The following VWA8 variants were observed in gnomAD, a reference collection of about 807,000 sequenced individuals.
VWA8 encodes the protein von Willebrand factor A domain containing 8.
Under a neutral mutation model 241.5 loss-of-function variants are expected in VWA8, and 221 were observed. The observed-to-expected ratio is 0.91, with a 90% CI of 0.82 to 1.02. The LOEUF is 1.02. Ranked by LOEUF, VWA8 falls within the 50% of genes least tolerant of loss-of-function variation. The pLI is 0.00. For synonymous variants in VWA8, 852 were observed against 827.1 expected (o/e 1.03, Z -0.52); for missense variants, 2,322 against 2,328.7 (o/e 1.00, Z 0.06).
chr13:41,749,208 A>G (rs1270725664), intron 21 of VWA8, among the ~76,000 whole-genome samples: 1 of 152,244 alleles, frequency 6.6e-6, no homozygotes, highest in Admixed American at 6.5e-5. Context: ...ATGAACAGAC[A>G]CTTCTCAAAA....
intron 13 of VWA8, among the ~76,000 whole-genome samples, chr13:41,832,717 G>C (rs1237257931): frequency 1.3e-5 from 2 of 152,028 alleles, no homozygotes; most frequent in Non-Finnish European, 2.9e-5. Context: ...AATGATACAA[G>C]ATGGGAATAT....
chr13:41,892,579 C>G (rs763970349), intron 4 of VWA8, among the ~76,000 whole-genome samples: 19 of 152,194 alleles, frequency 1.2e-4, no homozygotes, highest in Non-Finnish European at 2.4e-4. Context: ...CTTATTCAAT[C>G]ACATAGTTCC....
At chr13:41,732,473 G>A (rs1423140254) in intron 21 of VWA8, among the ~76,000 whole-genome samples, 4 of 150,454 alleles carry the variant, frequency 2.7e-5, no homozygotes, top group African/African-American at 7.3e-5. Context: ...GGGTGAAGAC[G>A]AGAAACTAAA....
chr13:41,610,432 GC>G (rs1460511348), intron 39 of VWA8, among the ~76,000 whole-genome samples: 4 of 152,186 alleles, frequency 2.6e-5, no homozygotes, highest in African/African-American at 9.7e-5. Flanking sequence ...CACCAGGGAA[GC>G]CAGCAGAAGG....
At chr13:41,960,423 CA>C (rs1878556256) in intron 1 of VWA8, among the ~76,000 whole-genome samples, 1 of 152,232 alleles carries the variant, frequency 6.6e-6, no homozygotes, top group Admixed American at 6.5e-5. Flanking sequence ...TAAGCCGCCA[CA>C]AGCCCTGGCT....
intron 37 of VWA8, among the ~76,000 whole-genome samples, chr13:41,631,334 C>T (rs553155860): frequency 1.8e-4 from 27 of 151,998 alleles, no homozygotes; most frequent in Non-Finnish European, 3.2e-4. Flanking sequence ...GAGCCATCTT[C>T]TAACAGGGGC....
intron 21 of VWA8, among the ~76,000 whole-genome samples, chr13:41,735,946 C>A (rs1224994664): frequency 6.6e-6 from 1 of 152,094 alleles, no homozygotes; most frequent in Non-Finnish European, 1.5e-5. Flanking sequence ...TAATTCTCCA[C>A]ACAAATAAAC....
At position 41,583,625 on chromosome 13, in the gene VWA8, C is replaced by T. The variant is rs371395362; in HGVS notation, c.5271+3887G>A. The stretch of plus-strand genomic sequence containing the variant: ...GCCACTGCACTCCAGCCTGGGTGAC[C>T]GAGCAAGACTCCATCTCAAAAAAAA... On this transcript the variant is annotated intron_variant, in intron 42 of 44. Coordinates refer to ENST00000379310, the MANE Select transcript of VWA8 (RefSeq NM_015058.2). 5.1e-5 allele frequency among the ~76,000 whole-genome samples: 7 copies of T among 137,738 alleles called. No homozygotes were observed. In the East Asian group the frequency reaches 6.2e-4, roughly 12 times the overall value. The allele number at this position is 137,738 out of a possible 152,430, so 90.4% of individuals were successfully genotyped here. A position where few individuals can be genotyped will look rare whatever the true frequency, so the allele number is the denominator to read the frequency against.
At chr13:41,911,600 G>GA (rs1245958340) in intron 3 of VWA8, among the ~76,000 whole-genome samples, 1 of 152,168 alleles carries the variant, frequency 6.6e-6, no homozygotes. Flanking sequence ...ACACAGAAGA[G>GA]ATACTCTACA....
chr13:41,717,842 A>T (rs2045357258), intron 26 of VWA8, among the ~76,000 whole-genome samples: 1 of 152,018 alleles, frequency 6.6e-6, no homozygotes, highest in African/African-American at 2.4e-5. Flanking sequence ...TTCTAGCTAT[A>T]TGCGGTTGGG....
At chr13:41,927,432 T>A in intron 2 of VWA8, 1 of 400,040 alleles carries the variant, frequency 2.5e-6, no homozygotes, top group Non-Finnish European at 5.1e-6. Flanking sequence ...AATTCTTGTG[T>A]GTTGCTTTCC....
Position 41,690,226 on chromosome 13 carries a change from C to A in VWA8, c.3916G>T (p.Val1306Phe), listed in dbSNP as rs559628971. 6.2e-7 allele frequency: 1 copy of A among 1,612,754 alleles called. No homozygotes were observed. The highest frequency in any genetic ancestry group is 1.1e-5 in the South Asian group (1 of 91,044). Residue 1306 changes from valine (V) to phenylalanine (F), a missense_variant, in exon 33 of 45, where the codon GTT becomes TTT. Val to Phe is a conservative substitution (Grantham distance 50). Transcript: ENST00000379310. Reference protein sequence around the residue: ...PAHIESEGSGVCQLYVLKEEP... With the variant: ...PAHIESEGSGFCQLYVLKEEP... ...TCTTTCAGCACATACAACTGGCAAA[C>A]CCCACTACCCTCAGATTCGATGTGT...
rs115585895 is a variant in VWA8, at chr13:41,919,062, C to G, written c.242-6894G>C. 7.1e-3 allele frequency among the ~76,000 whole-genome samples: 1,078 copies of G among 152,050 alleles called. 7 individuals are homozygous for G. Among genetic ancestry groups the G allele is most frequent in the African/African-American group, 0.025 (1,022 of 41,460 alleles). On this transcript the variant is annotated intron_variant, in intron 2 of 44. Transcript: ENST00000379310. Reference sequence around the variant, plus strand: ...ACTCCTCCCCCATAAAAAAACCAAGCCAAACAAATGAAAAAACGACATTTC... The same window carrying G: ...ACTCCTCCCCCATAAAAAAACCAAGGCAAACAAATGAAAAAACGACATTTC...
intron 26 of VWA8, among the ~76,000 whole-genome samples, chr13:41,713,821 G>A (rs2045332684): frequency 6.6e-6 from 1 of 152,078 alleles, no homozygotes; most frequent in African/African-American, 2.4e-5. Context: ...AGGAATGAGG[G>A]AAATGGAGAA....
chr13:41,604,606 A>C (rs150027201), intron 40 of VWA8, among the ~76,000 whole-genome samples: 2 of 152,176 alleles, frequency 1.3e-5, no homozygotes, highest in African/African-American at 4.8e-5. Context: ...AATCACCTTG[A>C]AATACTTCAT....
At chr13:41,629,110 G>A (rs2044711366) in intron 37 of VWA8, among the ~76,000 whole-genome samples, 2 of 151,898 alleles carry the variant, frequency 1.3e-5, no homozygotes, top group Non-Finnish European at 2.9e-5. Context: ...AGGGCCAACT[G>A]AGGGTGGAGG....
Position 41,575,810 on chromosome 13 carries a change from C to T in VWA8, c.5300G>A (p.Gly1767Asp). Residue 1767 changes from glycine to aspartate, a missense_variant, in exon 43 of 45, where the codon GGC (glycine) becomes GAC (aspartate). Coordinates refer to ENST00000379310, the MANE Select transcript of VWA8 (RefSeq NM_015058.2). ...QYDIVGHSGD[G>D]YNIGLVPMNK... ...CATTGGAACCAGACCAATGTTGTAG[C>T]CATCTCCAGAGTGTCCAACGATGTC... 1 of 1,613,164 alleles carries T rather than the reference C, an allele frequency of 6.2e-7. No individual in the cohort carries two copies.
At chr13:41,709,729 C>T (rs1490262682) in intron 26 of VWA8, among the ~76,000 whole-genome samples, 1 of 151,766 alleles carries the variant, frequency 6.6e-6, no homozygotes, top group East Asian at 1.9e-4. Flanking sequence ...TCTTGTGTGG[C>T]TCTAACTTCA....
intron 22 of VWA8, among the ~76,000 whole-genome samples, chr13:41,731,529 T>G (rs76234472): frequency 6.6e-6 from 1 of 152,056 alleles, no homozygotes; most frequent in African/African-American, 2.4e-5. Flanking sequence ...AAGAACAAAA[T>G]AGGAAAACAT....
Sources: gnomAD v4.1 joint callset for allele counts (sites outside exome capture counted in the v4.1 genomes callset) on GRCh38, gnomAD v4.1.1 for gene constraint, MANE v1.5 for transcripts, NCBI Gene and HGNC (gene_info 2026-07-23, HGNC 2026-07-21) for gene names.